The following TTLL4 variants were observed in gnomAD, a reference collection of about 807,000 sequenced individuals.
The protein encoded by TTLL4 is tubulin monoglutamylase TTLL4.
A neutral mutation model predicts 122.7 loss-of-function variants in TTLL4; 85 were observed. That is an observed-to-expected ratio of 0.69 (90% CI 0.58 to 0.83). The LOEUF (loss-of-function observed/expected upper bound fraction) is 0.83. TTLL4 is among the 40% of genes least tolerant of loss of function. The pLI, the probability that TTLL4 is intolerant of heterozygous loss-of-function variation, is 0.00. For synonymous variants in TTLL4, 553 were observed against 563.0 expected (o/e 0.98, Z 0.25); for missense variants, 1,363 against 1,488.6 (o/e 0.92, Z 1.39).
At chr2:218,734,413 G>T (rs1260733111) in intron 2 of TTLL4, among the ~76,000 whole-genome samples, 1 of 152,192 alleles carries the variant, frequency 6.6e-6, no homozygotes, top group Non-Finnish European at 1.5e-5. Flanking sequence ...AGGAGAATGT[G>T]CTCCTTGCTC....
At position 218,754,796 on chromosome 2, in the gene TTLL4, C is replaced by G. The variant is rs1446952791; in HGVS notation, c.*407C>G. On this transcript the variant is annotated 3_prime_UTR_variant, in exon 20 of 20. Transcript: ENST00000392102. ...ATATTTGGACCGGAAATCCTTTGTTCTGAATTTGAGGGGGTCTTCTGAGGT... is the reference window on the plus strand; with the variant it reads ...ATATTTGGACCGGAAATCCTTTGTTGTGAATTTGAGGGGGTCTTCTGAGGT... The G allele has an allele frequency of 4.9e-6, 1 of 206,024 alleles. No individual in the cohort carries two copies. The highest frequency in any genetic ancestry group is 2.3e-5 in the African/African-American group (1 of 43,142). 12.8% of individuals were successfully genotyped at this position (206,024 alleles called of 1,614,324 possible). A position where few individuals can be genotyped will look rare whatever the true frequency, so the allele number is the denominator to read the frequency against.
intron 1 of TTLL4, among the ~76,000 whole-genome samples, chr2:218,719,678 T>C (rs1357667003): frequency 2.0e-5 from 3 of 152,270 alleles, no homozygotes; most frequent in Non-Finnish European, 4.4e-5. Context: ...TGCAGACTCA[T>C]GGCCCTACTC....
intron 1 of TTLL4, among the ~76,000 whole-genome samples, chr2:218,718,119 A>G (rs1941922279): frequency 6.6e-6 from 1 of 152,168 alleles, no homozygotes; most frequent in Non-Finnish European, 1.5e-5. Flanking sequence ...AGTTGAGGTA[A>G]TCTCATCAGA....
At chr2:218,735,057 T>C (rs1028755647) in intron 2 of TTLL4, among the ~76,000 whole-genome samples, 10 of 152,172 alleles carry the variant, frequency 6.6e-5, no homozygotes, top group African/African-American at 2.4e-4. Context: ...TGCATTGTGA[T>C]TTTTTGTACT....
Position 218,738,476 on chromosome 2 carries a change from A to G in TTLL4, c.800A>G (p.Asp267Gly). The stretch of plus-strand genomic sequence containing the variant: ...GGAGACTGTGCACCGCAGCCTGTTG[A>G]CCATAAGGTGCCCAAAAGCATTGGC... ...GTGDCAPQPVDHKVPKSIGTV... is the reference protein window; with the variant it reads ...GTGDCAPQPVGHKVPKSIGTV... The change falls in exon 3 of 20, where the codon GAC becomes GGC. Residue 267 changes from aspartate (D) to glycine (G), a missense_variant. Around this residue, in one of 3 missense-constraint regions of TTLL4, gnomAD observed 760 missense variants for 808.4 expected, o/e 0.94. Transcript: ENST00000392102. The G allele has an allele frequency of 6.2e-7, 1 of 1,614,126 alleles. No homozygotes were observed. The highest frequency in any genetic ancestry group is 1.1e-5 in the South Asian group (1 of 91,082).
intron 1 of TTLL4, among the ~76,000 whole-genome samples, chr2:218,714,417 T>C (rs936094897): frequency 2.0e-5 from 3 of 152,248 alleles, no homozygotes; most frequent in African/African-American, 7.2e-5. Flanking sequence ...TGGAATTGTC[T>C]GATCATAGTG....
In TTLL4 at chr2:218,737,464, G is replaced by A. The variant is rs1942556766; in HGVS notation, c.-98-115G>A. On this transcript the variant is annotated intron_variant, in intron 2 of 19. Coordinates refer to ENST00000392102, the MANE Select transcript of TTLL4 (RefSeq NM_014640.5). The stretch of plus-strand genomic sequence containing the variant: ...TCCCAGTGCCCCAAATGACGACCAA[G>A]ACTGGTTGCCCAAAAATGCTGAAGT... The A allele has an allele frequency of 7.8e-6, 4 of 514,332 alleles. No individual in the cohort carries two copies. The East Asian group carries it at 1.3e-4, about 16-fold the overall frequency. The allele number at this position is 514,332 out of a possible 1,614,324, so 31.9% of individuals were successfully genotyped here.
Position 218,737,814 on chromosome 2 carries a change from T to C in TTLL4, c.138T>C (p.His46=). The part of the protein sequence containing the change: ...PSEGRVWPQA[H]QQVKPIWKLE... ...AGGGCAGAGTCTGGCCTCAGGCCCATCAGCAAGTGAAGCCAATCTGGAAGC... is the reference window on the plus strand; with the variant it reads ...AGGGCAGAGTCTGGCCTCAGGCCCACCAGCAAGTGAAGCCAATCTGGAAGC... The change falls in exon 3 of 20, where the codon CAT becomes CAC. Residue 46 remains histidine (H), a synonymous_variant. Transcript: ENST00000392102. 2 of 1,614,226 alleles carry C rather than the reference T, an allele frequency of 1.2e-6. No individual in the cohort carries two copies. The highest frequency in any genetic ancestry group is 1.1e-5 in the South Asian group (1 of 91,080).
chr2:218,755,666 A>G (rs906545008), downstream of TTLL4, among the ~76,000 whole-genome samples: 1 of 152,184 alleles, frequency 6.6e-6, no homozygotes, highest in Non-Finnish European at 1.5e-5. Context: ...GGCACATATA[A>G]GAAGCCAATT....
At chr2:218,739,266 A>G in intron 3 of TTLL4, 103 bp downstream of exon 3, 1 of 1,403,612 alleles carries the variant, frequency 7.1e-7, no homozygotes, top group Non-Finnish European at 9.4e-7. Flanking sequence ...TTTATTTTTT[A>G]GCTGCCCTAG....
In TTLL4 at chr2:218,738,281, C is replaced by G; in HGVS notation, c.605C>G (p.Ser202Ter). The change falls in exon 3 of 20, where the codon TCA becomes TGA. Residue 202 changes from serine (S) to a stop codon, truncating the protein, a stop_gained. Coordinates refer to ENST00000392102, the MANE Select transcript of TTLL4 (RefSeq NM_014640.5). LOFTEE classifies it high-confidence loss of function. ...PSGKSLASAI[S>*]GKIPSPLSSS... ...GGGAAGAGCCTGGCCTCTGCCATCT[C>G]AGGGAAGATCCCATCTCCACTCTCT... is the stretch of plus-strand genomic sequence containing the variant. 3 of 1,614,126 alleles carry G rather than the reference C, an allele frequency of 1.9e-6. No homozygotes were observed. Among genetic ancestry groups the G allele is most frequent in the Non-Finnish European group, 2.5e-6 (3 of 1,180,032 alleles).
rs1942655251 is a variant in TTLL4, at chr2:218,740,074, C to T, written c.1504C>T (p.Gln502Ter). ...TTCTTTTAGTTCAGCTACTGACCTC[C>T]AGCCAGATCAGGCTGAGACTGAAGA... ...DRDISSATDL[Q>*]PDQAETEDTE... The change falls in exon 4 of 20, where the codon CAG becomes TAG. Residue 502 changes from glutamine to a stop codon, truncating the protein, a stop_gained. Transcript: ENST00000392102. LOFTEE classifies it high-confidence loss of function. 2 of 1,613,978 alleles carry T rather than the reference C, an allele frequency of 1.2e-6. No homozygotes were observed. Among genetic ancestry groups the T allele is most frequent in the East Asian group, 4.5e-5 (2 of 44,894 alleles).
chr2:218,719,570 T>TAAA (rs542414750), intron 1 of TTLL4, among the ~76,000 whole-genome samples: 2 of 135,744 alleles, frequency 1.5e-5, no homozygotes, highest in Non-Finnish European at 1.6e-5. Flanking sequence ...AAATAAGCCT[T>TAAA]AAAAAAAAAA....
At chr2:218,723,127 A>G (rs1476418952) in intron 1 of TTLL4, among the ~76,000 whole-genome samples, 1 of 152,248 alleles carries the variant, frequency 6.6e-6, no homozygotes, top group African/African-American at 2.4e-5. Flanking sequence ...AGAATCTGAC[A>G]TTCCCACCTT....
At chr2:218,756,581 A>G (rs1410941351), downstream of TTLL4, among the ~76,000 whole-genome samples, 5 of 152,220 alleles carry the variant, frequency 3.3e-5, no homozygotes, top group African/African-American at 1.2e-4. Flanking sequence ...CTTATCAAGC[A>G]TTTGGCATAT....
intron 2 of TTLL4, chr2:218,728,198 A>T (rs1385635874): frequency 6.5e-6 from 1 of 152,764 alleles, no homozygotes; most frequent in Non-Finnish European, 1.5e-5. Context: ...ATTCAAGCAC[A>T]TTAAATTTTT....
intron 11 of TTLL4, 26 bp from the exon 12 acceptor site, chr2:218,748,079 T>C: frequency 6.2e-7 from 1 of 1,614,024 alleles, no homozygotes; most frequent in Non-Finnish European, 8.5e-7. Flanking sequence ...CCATCTTACC[T>C]CTGCCTTTTG....
intron 3 of TTLL4, 52 bp from the exon 4 acceptor site, chr2:218,740,004 CTG>C (rs1942652776): frequency 3.9e-6 from 6 of 1,519,734 alleles, no homozygotes; most frequent in African/African-American, 1.4e-5. Flanking sequence ...GAGAATCTAA[CTG>C]TGACCTCTTT....
intron 8 of TTLL4, 22 bp downstream of exon 8, chr2:218,746,253 C>G (rs761434078): frequency 1.2e-6 from 2 of 1,612,690 alleles, no homozygotes; most frequent in Non-Finnish European, 1.7e-6. Flanking sequence ...TTCTGAGGAG[C>G]TGTTTCCCTG....
Sources: allele counts gnomAD v4.1 joint callset (sites outside exome capture counted in the v4.1 genomes callset), GRCh38; gene constraint gnomAD v4.1.1; regional missense constraint gnomAD v4.1.1; transcripts MANE v1.5; gene names NCBI Gene and HGNC (gene_info 2026-07-23, HGNC 2026-07-21).